The following WASF2 variants were observed in gnomAD, a reference collection of about 807,000 sequenced individuals.
WASF2 encodes WASP family member 2.
Under a neutral mutation model 45.0 loss-of-function variants are expected in WASF2, and 14 were observed. The observed-to-expected ratio is 0.31, with a 90% CI of 0.21 to 0.49. WASF2 has a LOEUF of 0.49. Ranked by LOEUF, WASF2 falls within the 20% of genes least tolerant of loss-of-function variation. WASF2 has a pLI of 0.99. For synonymous variants in WASF2, 200 were observed against 236.3 expected, an observed-to-expected ratio of 0.85 and a Z score of 1.41; for missense variants, 439 against 636.1, an observed-to-expected ratio of 0.69 and a Z score of 3.33.
chr1:27,461,460 ATT>A (rs1310567255), intron 1 of WASF2, among the ~76,000 whole-genome samples: 3 of 127,650 alleles, frequency 2.4e-5, no homozygotes, highest in Non-Finnish European at 3.3e-5. Flanking sequence ...CCACTTCAGC[ATT>A]TTTTTTTTTT....
intron 2 of WASF2, among the ~76,000 whole-genome samples, chr1:27,419,473 G>A (rs1026237965): frequency 7.9e-5 from 12 of 152,208 alleles, no homozygotes; most frequent in African/African-American, 2.2e-4. Context: ...AAATTAGACA[G>A]GCGTGCTGGC....
At chr1:27,434,952 AT>A (rs922675358) in intron 1 of WASF2, among the ~76,000 whole-genome samples, 32 of 146,716 alleles carry the variant, frequency 2.2e-4, no homozygotes, top group African/African-American at 2.5e-4. Context: ...TTATCATGCA[AT>A]TTTTTTTTTT....
chr1:27,447,033 C>A (rs951394147), intron 1 of WASF2, among the ~76,000 whole-genome samples: 2 of 152,062 alleles, frequency 1.3e-5, no homozygotes, highest in Non-Finnish European at 2.9e-5. Flanking sequence ...CTATCAACTG[C>A]CTTGAAAATG....
intron 1 of WASF2, among the ~76,000 whole-genome samples, chr1:27,456,493 T>C (rs1030701383): frequency 3.3e-5 from 5 of 152,018 alleles, no homozygotes; most frequent in African/African-American, 9.7e-5. Context: ...GGCCAGGAAG[T>C]AAAAATGTAA....
At chr1:27,445,012 T>G (rs1266828331) in intron 1 of WASF2, among the ~76,000 whole-genome samples, 1 of 152,220 alleles carries the variant, frequency 6.6e-6, no homozygotes, top group African/African-American at 2.4e-5. Context: ...ACAGTCTATT[T>G]TATAGCACAG....
chr1:27,452,387 C>T (rs568409280), intron 1 of WASF2, among the ~76,000 whole-genome samples: 30 of 151,930 alleles, frequency 2.0e-4, no homozygotes, highest in African/African-American at 7.2e-4. Flanking sequence ...GTGGTGCGCA[C>T]CTGTAGTCCC....
At chr1:27,429,593 T>G (rs1259017342) in intron 1 of WASF2, among the ~76,000 whole-genome samples, 1 of 152,074 alleles carries the variant, frequency 6.6e-6, no homozygotes, top group Non-Finnish European at 1.5e-5. Context: ...CTGGCCAAGA[T>G]GGTGAAACCC....
chr1:27,418,560 C>G lies in WASF2; in HGVS notation c.266-138G>C, dbSNP rs567729941. 8.5e-5 allele frequency: 104 copies of G among 1,218,248 alleles called. No individual in the cohort carries two copies. In the Middle Eastern group the frequency reaches 2.6e-3, roughly 31 times the overall value. The allele number at this position is 1,218,248 out of a possible 1,614,324, so 75.5% of individuals were successfully genotyped here. A position where few individuals can be genotyped will look rare whatever the true frequency, so the allele number is the denominator to read the frequency against. On this transcript the variant is annotated intron_variant, in intron 3 of 8. Coordinates refer to ENST00000618852, the MANE Select transcript of WASF2 (RefSeq NM_006990.5). Reference sequence around the variant, plus strand: ...CAGCCAGGCTTTTTTTTTCCCTCCCCCTCTGGGGAAGCCCCACAAGGCTGT... The same window carrying G: ...CAGCCAGGCTTTTTTTTTCCCTCCCGCTCTGGGGAAGCCCCACAAGGCTGT...
At chr1:27,421,153 A>G (rs2016903509) in intron 2 of WASF2, among the ~76,000 whole-genome samples, 1 of 152,200 alleles carries the variant, frequency 6.6e-6, no homozygotes, top group South Asian at 2.1e-4. Flanking sequence ...TTTGTGACCT[A>G]AACAACTATG....
intron 2 of WASF2, among the ~76,000 whole-genome samples, chr1:27,420,514 CTTTTTTTTT>C (rs782294669): frequency 1.2e-5 from 1 of 82,490 alleles, no homozygotes; most frequent in African/African-American, 5.6e-5. Flanking sequence ...ACCATCTGAG[CTTTTTTTTT>C]TTTTTTTTTT....
At chr1:27,428,303 A>G (rs1289478057) in intron 2 of WASF2, among the ~76,000 whole-genome samples, 1 of 152,206 alleles carries the variant, frequency 6.6e-6, no homozygotes, top group Non-Finnish European at 1.5e-5. Flanking sequence ...CTTTGGGAAG[A>G]AAAGGGGTGG....
intron 1 of WASF2, among the ~76,000 whole-genome samples, chr1:27,452,802 T>TG (rs1018299021): frequency 1.3e-5 from 2 of 150,544 alleles, no homozygotes; most frequent in African/African-American, 4.9e-5. Flanking sequence ...AGTGATAGAG[T>TG]GGGACTCCAT....
chr1:27,416,776 T>A (rs770728035), intron 4 of WASF2, among the ~76,000 whole-genome samples: 2 of 152,210 alleles, frequency 1.3e-5, no homozygotes, highest in African/African-American at 4.8e-5. Flanking sequence ...TTCTAATTAA[T>A]GGCTGTGCCA....
intron 3 of WASF2, among the ~76,000 whole-genome samples, 198 bp downstream of exon 3, chr1:27,418,756 G>A (rs1174158690): frequency 6.6e-6 from 1 of 152,134 alleles, no homozygotes; most frequent in African/African-American, 2.4e-5. Context: ...TGGGGGAATG[G>A]GAGAAAGGAG....
rs1053418143 is a variant in WASF2 at position 27,408,461 on chromosome 1, G to A, written c.1340-115C>T. On this transcript the variant is annotated intron_variant, in intron 8 of 8. Coordinates refer to ENST00000618852, the MANE Select transcript of WASF2 (RefSeq NM_006990.5). Reference sequence around the variant, plus strand: ...GGTAAGTGGTATTGGAAAGGATAGAGAAAAAGAAGGTTGTTATGGAAAAGC... The same window carrying A: ...GGTAAGTGGTATTGGAAAGGATAGAAAAAAAGAAGGTTGTTATGGAAAAGC... The A allele has an allele frequency of 9.1e-5, 123 of 1,358,644 alleles. 1 individual carries two copies. Among genetic ancestry groups the A allele is most frequent in the Admixed American group, 2.7e-4 (10 of 37,418 alleles). The allele number at this position is 1,358,644 out of a possible 1,614,324, so 84.2% of individuals were successfully genotyped here.
At chr1:27,415,416 C>G (rs2016814740) in intron 5 of WASF2, among the ~76,000 whole-genome samples, 1 of 152,200 alleles carries the variant, frequency 6.6e-6, no homozygotes, top group Non-Finnish European at 1.5e-5. Context: ...TGTGCAGCTG[C>G]TCTTGCCCCT....
rs185102433 is a variant in WASF2, at chr1:27,488,214, C to T, written c.-44+1772G>A. On this transcript the variant is annotated intron_variant, in intron 1 of 8. Transcript: ENST00000618852. ...GACATATGAGAACAATACCCATAGC[C>T]GTCCCTACTATTCTGATTAACCAAA... Among the ~76,000 whole-genome samples the T allele has an allele frequency of 5.3e-5, 8 of 152,206 alleles. No individual in the cohort carries two copies. The East Asian group carries it at 1.5e-3, about 29-fold the overall frequency.
intron 1 of WASF2, among the ~76,000 whole-genome samples, chr1:27,469,812 T>C (rs2017665689): frequency 6.6e-6 from 1 of 151,934 alleles, no homozygotes; most frequent in African/African-American, 2.4e-5. Flanking sequence ...TGTGGTGGTG[T>C]GCACCTGTAG....
At chr1:27,418,526 G>A in intron 3 of WASF2, 104 bp from the exon 4 acceptor site, 1 of 1,496,264 alleles carries the variant, frequency 6.7e-7, no homozygotes, top group Non-Finnish European at 9.1e-7. Flanking sequence ...TCTTGGCTGT[G>A]GCTGTCCGCA....
Sources: allele counts gnomAD v4.1 joint callset (sites outside exome capture counted in the v4.1 genomes callset), GRCh38; gene constraint gnomAD v4.1.1; transcripts MANE v1.5; gene names NCBI Gene and HGNC (gene_info 2026-07-23, HGNC 2026-07-21).